Variants in WDR86 observed in about 807,000 individuals in gnomAD.
The protein encoded by WDR86 is WD repeat-containing protein 86.
A neutral mutation model predicts 36.5 loss-of-function variants in WDR86; 30 were observed. That is an observed-to-expected ratio of 0.82 (90% CI 0.61 to 1.11). WDR86 has a LOEUF of 1.11. Ranked by LOEUF, WDR86 falls within the 50% of genes most tolerant of loss-of-function variation. WDR86 has a pLI of 0.00. For missense variants in WDR86, 545 were observed against 561.2 expected, an observed-to-expected ratio of 0.97 and a Z score of 0.29; for synonymous variants, 255 against 252.9, an observed-to-expected ratio of 1.01 and a Z score of -0.08.
rs1255743459 is a variant in WDR86, at chr7:151,401,904, C to G, written c.164-1663G>C. 6.6e-6 allele frequency among the ~76,000 whole-genome samples: 1 copy of G among 150,680 alleles called. No homozygotes were observed. The highest frequency in any genetic ancestry group is 2.4e-5 in the African/African-American group (1 of 40,852). The stretch of plus-strand genomic sequence containing the variant: ...CTCTACTAAAAATACAAAAAATTAG[C>G]CGGGCGTGGTGGTGGGCGCCTGTAA... On this transcript the variant is annotated intron_variant, in intron 1 of 5. Transcript: ENST00000334493. The surrounding 1 kb of genome is among the most constrained non-coding windows in gnomAD (Gnocchi z 4.3).
At chr7:151,369,325 A>G in the WDR86 span, 5 of 152,830 alleles carry the variant, frequency 3.3e-5, no homozygotes, top group East Asian at 5.8e-4. Context: ...GTCTTTTTCA[A>G]TTGGATCATT....
chr7:151,383,809 A>G (rs115425023), intron 4 of WDR86, among the ~76,000 whole-genome samples: 3,980 of 152,340 alleles, frequency 0.026, 193 homozygotes, highest in African/African-American at 0.091. Context: ...TGATCATCCC[A>G]TAGCCTTGCT....
chr7:151,377,276 GA>G (rs1798346710), downstream of WDR86: 1 of 1,236,176 alleles, frequency 8.1e-7, no homozygotes, highest in East Asian at 2.8e-5. Context: ...CTATCATTAT[GA>G]AAAGGCTAAT....
At chr7:151,376,783 G>T, downstream of WDR86, 3 of 1,590,412 alleles carry the variant, frequency 1.9e-6, no homozygotes, top group Non-Finnish European at 2.6e-6. Context: ...CTTTGTCCCC[G>T]CCAGCCACGT....
In WDR86 at chr7:151,396,452, G is replaced by A. The variant is rs143674445; in HGVS notation, c.306-256C>T. On this transcript the variant is annotated intron_variant, in intron 2 of 5. Transcript: ENST00000334493. ...AGCAGGGACCAAGCTTAGATGCTCC[G>A]CTGGGATCCCTCCAGCATCCCCACA... 3.8e-4 allele frequency among the ~76,000 whole-genome samples: 58 copies of A among 152,298 alleles called. No individual in the cohort carries two copies. The East Asian group carries it at 9.8e-3, about 26-fold the overall frequency.
downstream of WDR86, among the ~76,000 whole-genome samples, chr7:151,380,591 C>G (rs1431529549): frequency 6.6e-6 from 1 of 152,124 alleles, no homozygotes; most frequent in African/African-American, 2.4e-5. Flanking sequence ...GAGCACCCCG[C>G]TCAGGTGCTG....
At chr7:151,383,782 G>A (rs1350688805) in intron 4 of WDR86, among the ~76,000 whole-genome samples, 2 of 152,230 alleles carry the variant, frequency 1.3e-5, no homozygotes, top group Non-Finnish European at 2.9e-5. Flanking sequence ...GGTGGGAAGA[G>A]GATCAAAAAC....
chr7:151,376,834 C>T, downstream of WDR86: 1 of 1,555,844 alleles, frequency 6.4e-7, no homozygotes, highest in Non-Finnish European at 8.7e-7. Context: ...TCTTTGAGGG[C>T]CGCATTGAGA....
intron 1 of WDR86, among the ~76,000 whole-genome samples, chr7:151,402,070 A>AAAAAAAAAATATATATATATAT: frequency 2.4e-4 from 12 of 50,520 alleles, no homozygotes; most frequent in African/African-American, 8.3e-4. Context: ...AAAAAAAAAA[A>AAAAAAAAAATATATATATATAT]ATATATATAT....
At chr7:151,403,683 G>A (rs569211760) in intron 1 of WDR86, among the ~76,000 whole-genome samples, 6 of 152,212 alleles carry the variant, frequency 3.9e-5, no homozygotes, top group Non-Finnish European at 7.3e-5. Context: ...TAAAATACAT[G>A]TCGGCTTAAA....
chr7:151,403,801 G>A (rs1039110552), intron 1 of WDR86, among the ~76,000 whole-genome samples: 3 of 152,148 alleles, frequency 2.0e-5, no homozygotes, highest in Admixed American at 6.5e-5. Context: ...GAACAGATCC[G>A]TCCCACCCTC....
chr7:151,395,674 G>T lies in WDR86; in HGVS notation c.726+102C>A, dbSNP rs1262855075. 9 of 1,369,376 alleles carry T rather than the reference G, an allele frequency of 6.6e-6. No individual in the cohort carries two copies. The East Asian group carries it at 1.8e-4, about 27-fold the overall frequency. 84.8% of individuals were successfully genotyped at this position (1,369,376 alleles called of 1,614,324 possible). ...CGCTTGCCAGGCCCCCATCTGCAGCGCTTTGTTATGCAGCCGAATCACAGA... is the reference window on the plus strand; with the variant it reads ...CGCTTGCCAGGCCCCCATCTGCAGCTCTTTGTTATGCAGCCGAATCACAGA... On this transcript the variant is annotated intron_variant, in intron 3 of 5. Transcript: ENST00000334493.
chr7:151,408,862 TG>T (rs1166975649), intron 1 of WDR86: 2 of 467,578 alleles, frequency 4.3e-6, no homozygotes, highest in Non-Finnish European at 8.9e-6. Flanking sequence ...TACCCCTCAC[TG>T]GCTGTGCGAC....
rs562645685 is a variant in WDR86 at position 151,386,828 on chromosome 7, C to T, written c.727-1605G>A. Among the ~76,000 whole-genome samples, 3 of 152,270 alleles carry T rather than the reference C, an allele frequency of 2.0e-5. No homozygotes were observed. In the South Asian group the frequency reaches 6.2e-4, roughly 32 times the overall value. ...TGGCCCTATATCCTGGTTTCCACTC[C>T]ACACACCTGTGTCCACACTGCTGCC... On this transcript the variant is annotated intron_variant, in intron 3 of 5. Coordinates refer to ENST00000334493, the MANE Select transcript of WDR86 (RefSeq NM_198285.3).
At position 151,400,284 on chromosome 7, in the gene WDR86, C is replaced by A. The variant is rs1259456245; in HGVS notation, c.164-43G>T. The A allele has an allele frequency of 4.0e-6, 6 of 1,492,994 alleles. No individual in the cohort carries two copies. The African/African-American group carries it at 7.1e-5, about 18-fold the overall frequency. 92.5% of individuals were successfully genotyped at this position (1,492,994 alleles called of 1,614,324 possible). ...GGGAGATGTGAGCGTACTGGGGATGCCAGCTCCTGCTTTTCTTCTGGGAAC... is the reference window on the plus strand; with the variant it reads ...GGGAGATGTGAGCGTACTGGGGATGACAGCTCCTGCTTTTCTTCTGGGAAC... On this transcript the variant is annotated intron_variant, in intron 1 of 5. Coordinates refer to ENST00000334493, the MANE Select transcript of WDR86 (RefSeq NM_198285.3).
chr7:151,406,954 G>A lies in WDR86; in HGVS notation c.163+2473C>T, dbSNP rs1254839406. 6.6e-6 allele frequency among the ~76,000 whole-genome samples: 1 copy of A among 152,140 alleles called. No homozygotes were observed. The highest frequency in any genetic ancestry group is 2.4e-5 in the African/African-American group (1 of 41,426). ...GATAGAAAAAAAAAATCCTGCAGGA[G>A]AAAGGAACTGGCAACACCTTGCTTT... On this transcript the variant is annotated intron_variant, in intron 1 of 5. Coordinates refer to ENST00000334493, the MANE Select transcript of WDR86 (RefSeq NM_198285.3). The surrounding 1 kb of genome is among the most constrained non-coding windows in gnomAD (Gnocchi z 4.4).
rs1385337073 is a variant in WDR86 at position 151,390,865 on chromosome 7, G to A, written c.726+4911C>T. 6.6e-6 allele frequency among the ~76,000 whole-genome samples: 1 copy of A among 152,256 alleles called. No individual in the cohort carries two copies. Among genetic ancestry groups the A allele is most frequent in the Non-Finnish European group, 1.5e-5 (1 of 68,048 alleles). On this transcript the variant is annotated intron_variant, in intron 3 of 5. Coordinates refer to ENST00000334493, the MANE Select transcript of WDR86 (RefSeq NM_198285.3). The surrounding 1 kb of genome is among the most constrained non-coding windows in gnomAD (Gnocchi z 4.5). ...CAAATTCAGAGACACAAAGCAGAAG[G>A]GCGGGTGCCCGGGGCATGGAAGAGC... is the stretch of plus-strand genomic sequence containing the variant.
chr7:151,385,344 C>T (rs1287862998), intron 3 of WDR86, 121 bp from the exon 4 acceptor site: 23 of 1,479,090 alleles, frequency 1.6e-5, no homozygotes, highest in Middle Eastern at 1.9e-4. Context: ...GGGTGAGCCT[C>T]GAATGGCCCC....
chr7:151,397,287 G>A (rs114331619), intron 2 of WDR86, among the ~76,000 whole-genome samples: 1,640 of 152,288 alleles, frequency 0.011, 29 homozygotes, highest in African/African-American at 0.037. Context: ...GCTGCCTCCC[G>A]CCTCCACAGG....
Sources: allele counts gnomAD v4.1 joint callset (sites outside exome capture counted in the v4.1 genomes callset), GRCh38; gene constraint gnomAD v4.1.1; non-coding constraint Gnocchi (gnomAD v3.1); transcripts MANE v1.5; gene names NCBI Gene and HGNC (gene_info 2026-07-23, HGNC 2026-07-21).